Variants in INPP4B observed in about 807,000 individuals in gnomAD.
INPP4B encodes inositol polyphosphate 4-phosphatase type II.
A neutral mutation model predicts 122.5 loss-of-function variants in INPP4B; 55 were observed. The ratio of observed to expected loss-of-function variants is 0.45; its 90% CI spans 0.36 to 0.56. The LOEUF is 0.56. INPP4B is among the 20% of genes least tolerant of loss of function. The pLI, the probability that INPP4B is intolerant of heterozygous loss-of-function variation, is 0.00. For missense variants in INPP4B, 1,000 were observed against 1,097.7 expected (o/e 0.91, Z 1.26); for synonymous variants, 403 against 388.7 (o/e 1.04, Z -0.43).
chr4:142,648,703 C>A (rs1752323634), intron 2 of INPP4B, among the ~76,000 whole-genome samples: 1 of 152,252 alleles, frequency 6.6e-6, no homozygotes, highest in Non-Finnish European at 1.5e-5. Context: ...CACCACAGCT[C>A]AGCACGGACT....
intron 2 of INPP4B, among the ~76,000 whole-genome samples, chr4:142,707,921 G>A (rs1262453950): frequency 6.6e-6 from 1 of 152,194 alleles, no homozygotes; most frequent in Non-Finnish European, 1.5e-5. Flanking sequence ...CTAGAGACTT[G>A]TTAAATTATT....
chr4:142,108,716 T>C (rs1033920557), intron 22 of INPP4B, among the ~76,000 whole-genome samples: 1 of 152,138 alleles, frequency 6.6e-6, no homozygotes, highest in Non-Finnish European at 1.5e-5. Flanking sequence ...CCGACATTTT[T>C]TTCGTTCATA....
In INPP4B at chr4:142,431,000, C is replaced by T. The variant is rs188269431; in HGVS notation, c.91+169G>A. ...AAAGATGAGAGGCATATCATACACT[C>T]ATGCCACCAAGGTAAATAGTGCAAA... is the stretch of plus-strand genomic sequence containing the variant. On this transcript the variant is annotated intron_variant, in intron 4 of 25. Transcript: ENST00000262992. 2.9e-3 allele frequency among the ~76,000 whole-genome samples: 441 copies of T among 152,230 alleles called. 1 individual carries two copies. The highest frequency in any genetic ancestry group is 5.3e-3 in the Non-Finnish European group (358 of 67,996).
At chr4:142,180,502 G>T (rs955727872) in intron 15 of INPP4B, among the ~76,000 whole-genome samples, 5 of 151,990 alleles carry the variant, frequency 3.3e-5, no homozygotes, top group Non-Finnish European at 7.4e-5. Flanking sequence ...TATGCTATGG[G>T]CCTAGCATTA....
intron 2 of INPP4B, among the ~76,000 whole-genome samples, chr4:142,632,371 G>A (rs1748161467): frequency 6.6e-6 from 1 of 152,126 alleles, no homozygotes; most frequent in Non-Finnish European, 1.5e-5. Flanking sequence ...TCACTCATAT[G>A]TAGGAGTTAA....
chr4:142,601,581 CAA>C (rs200657551), intron 2 of INPP4B, among the ~76,000 whole-genome samples: 48 of 93,800 alleles, frequency 5.1e-4, no homozygotes, highest in Non-Finnish European at 5.9e-4. Flanking sequence ...ACTCCTATGT[CAA>C]AAAAAAAAAA....
chr4:142,181,388 A>C (rs1244262527), intron 15 of INPP4B, among the ~76,000 whole-genome samples: 1 of 152,226 alleles, frequency 6.6e-6, no homozygotes, highest in Non-Finnish European at 1.5e-5. Context: ...ACAACTAAAA[A>C]AAAAGGAGGA....
intron 10 of INPP4B, among the ~76,000 whole-genome samples, chr4:142,262,503 C>T (rs945515911): frequency 3.7e-4 from 56 of 152,156 alleles, no homozygotes; most frequent in Non-Finnish European, 2.9e-5. Flanking sequence ...CCTTAACCAA[C>T]ATCTAGTATA....
At chr4:142,653,276 G>T (rs1252191540) in intron 2 of INPP4B, among the ~76,000 whole-genome samples, 1 of 152,154 alleles carries the variant, frequency 6.6e-6, no homozygotes, top group Non-Finnish European at 1.5e-5. Context: ...AACCCTAGAA[G>T]AAAACCTAGG....
chr4:142,442,433 G>T (rs866828767), intron 3 of INPP4B, among the ~76,000 whole-genome samples: 1 of 115,528 alleles, frequency 8.7e-6, no homozygotes. Context: ...AAAAAAAAGA[G>T]AGAGAAGAAA....
intron 22 of INPP4B, among the ~76,000 whole-genome samples, chr4:142,108,520 A>C (rs1313851495): frequency 6.6e-6 from 1 of 152,178 alleles, no homozygotes; most frequent in Non-Finnish European, 1.5e-5. Flanking sequence ...TGGCAGGGCT[A>C]CATCCCTGTA....
intron 1 of INPP4B, among the ~76,000 whole-genome samples, chr4:142,813,265 T>A (rs1414110798): frequency 1.3e-5 from 2 of 152,166 alleles, no homozygotes; most frequent in Non-Finnish European, 2.9e-5. Context: ...AATATCTTAT[T>A]CTGGACATTC....
rs1158205966 is a variant in INPP4B, at chr4:142,273,810, C to T, written c.504-3036G>A. On this transcript the variant is annotated intron_variant, in intron 9 of 25. Coordinates refer to ENST00000262992, the MANE Select transcript of INPP4B (RefSeq NM_001101669.3). ...TTTTACATGCCCTAAAGCATGTTTC[C>T]TCAATTGAACTTTGTGGAAAAAACA... Among the ~76,000 whole-genome samples the T allele has an allele frequency of 3.3e-5, 5 of 151,788 alleles. No individual in the cohort carries two copies. In the East Asian group the frequency reaches 9.6e-4, roughly 29 times the overall value.
intron 2 of INPP4B, among the ~76,000 whole-genome samples, chr4:142,632,595 T>G (rs34234953): frequency 0.11 from 16,544 of 152,048 alleles, 931 homozygotes; most frequent in South Asian, 0.15. Flanking sequence ...TGCGAATATC[T>G]ACATAAATAT....
At chr4:142,380,493 A>C (rs1308480779) in intron 7 of INPP4B, among the ~76,000 whole-genome samples, 1 of 152,102 alleles carries the variant, frequency 6.6e-6, no homozygotes. Context: ...GGCAATCCTG[A>C]TGTATTGAAT....
intron 7 of INPP4B, among the ~76,000 whole-genome samples, chr4:142,377,581 CA>C (rs745711198): frequency 1.8e-4 from 27 of 152,014 alleles, no homozygotes; most frequent in Non-Finnish European, 3.2e-4. Flanking sequence ...CAAGAAGACA[CA>C]ACCATAGGCA....
At chr4:142,642,559 T>G (rs1225944034) in intron 2 of INPP4B, among the ~76,000 whole-genome samples, 1 of 152,212 alleles carries the variant, frequency 6.6e-6, no homozygotes, top group Non-Finnish European at 1.5e-5. Context: ...GTCAGGTTTG[T>G]CAAAGATCAG....
At chr4:142,151,264 G>A (rs971708267) in intron 17 of INPP4B, among the ~76,000 whole-genome samples, 7 of 151,816 alleles carry the variant, frequency 4.6e-5, no homozygotes, top group African/African-American at 1.7e-4. Flanking sequence ...TATAGCCCAC[G>A]GTATCTCTTT....
chr4:142,549,650 G>GGCC (rs1727511249), intron 2 of INPP4B, among the ~76,000 whole-genome samples: 1 of 152,080 alleles, frequency 6.6e-6, no homozygotes, highest in Admixed American at 6.6e-5. Context: ...CCTTTTTTAT[G>GGCC]GCCCCTCAAC....
Sources: gnomAD v4.1 joint callset for allele counts (sites outside exome capture counted in the v4.1 genomes callset) on GRCh38, gnomAD v4.1.1 for gene constraint, MANE v1.5 for transcripts, NCBI Gene and HGNC (gene_info 2026-07-23, HGNC 2026-07-21) for gene names.